Variants in RNF144A observed in about 807,000 individuals in gnomAD.
RNF144A encodes E3 ubiquitin-protein ligase RNF144A.
RNF144A carries 11 observed loss-of-function variants against 38.7 expected under a neutral mutation model. The ratio of observed to expected loss-of-function variants is 0.28; its 90% CI spans 0.18 to 0.47. The LOEUF (loss-of-function observed/expected upper bound fraction) is 0.47. Ranked by LOEUF, RNF144A falls within the 20% of genes least tolerant of loss-of-function variation. RNF144A has a pLI of 0.99. For synonymous variants in RNF144A, 149 were observed against 143.9 expected (o/e 1.04, Z -0.25); for missense variants, 316 against 377.2 (o/e 0.84, Z 1.34).
chr2:6,957,975 G>C (rs1667115016), intron 2 of RNF144A, among the ~76,000 whole-genome samples: 1 of 152,206 alleles, frequency 6.6e-6, no homozygotes, highest in Non-Finnish European at 1.5e-5. Context: ...AGCTGAGACT[G>C]CCTAATCTTG....
chr2:7,039,665 T>C lies in RNF144A; in HGVS notation c.784T>C (p.Leu262=), dbSNP rs1482160359. Residue 262 remains leucine, a synonymous_variant, in exon 9 of 9, where the codon TTG becomes CTG. Coordinates refer to ENST00000320892, the MANE Select transcript of RNF144A (RefSeq NM_014746.6). ...GIFAGFGLLL[L]VASPFLLLAT... ...TTTTGCAGGATTTGGGCTGCTGCTC[T>C]TGGTGGCCTCACCTTTCCTACTCCT... 3.1e-6 allele frequency: 5 copies of C among 1,614,040 alleles called. No homozygotes were observed. Among genetic ancestry groups the C allele is most frequent in the Non-Finnish European group, 4.2e-6 (5 of 1,180,034 alleles).
intron 2 of RNF144A, among the ~76,000 whole-genome samples, chr2:6,991,249 T>C (rs1447690968): frequency 6.6e-6 from 1 of 152,180 alleles, no homozygotes; most frequent in East Asian, 1.9e-4. Context: ...CATCATCTGC[T>C]TGGGAGGAGA....
intron 5 of RNF144A, among the ~76,000 whole-genome samples, chr2:7,016,582 C>T (rs575380866): frequency 6.0e-5 from 9 of 150,076 alleles, no homozygotes; most frequent in Admixed American, 6.0e-4. Context: ...AAGCCTCTCC[C>T]TTTAAAGCAT....
At chr2:6,963,240 A>G (rs1667452794) in intron 2 of RNF144A, among the ~76,000 whole-genome samples, 1 of 152,194 alleles carries the variant, frequency 6.6e-6, no homozygotes, top group Non-Finnish European at 1.5e-5. Flanking sequence ...CGGGCCAAGC[A>G]AGGAGTCTCT....
At chr2:6,961,542 T>C (rs543029808) in intron 2 of RNF144A, among the ~76,000 whole-genome samples, 1 of 152,212 alleles carries the variant, frequency 6.6e-6, no homozygotes, top group Non-Finnish European at 1.5e-5. Flanking sequence ...TTTGGAGAGA[T>C]GAGACATGCA....
At chr2:6,921,234 T>C (rs1664520361) in intron 1 of RNF144A, among the ~76,000 whole-genome samples, 1 of 152,208 alleles carries the variant, frequency 6.6e-6, no homozygotes, top group Non-Finnish European at 1.5e-5. Flanking sequence ...TAAAGGTGCT[T>C]ACTTCCTGGA....
At chr2:6,929,128 A>G (rs536409986) in intron 1 of RNF144A, among the ~76,000 whole-genome samples, 1 of 152,232 alleles carries the variant, frequency 6.6e-6, no homozygotes, top group South Asian at 2.1e-4. Context: ...CACATATGAC[A>G]TGTTATGTCA....
intron 6 of RNF144A, among the ~76,000 whole-genome samples, chr2:7,022,231 G>A (rs1156787007): frequency 6.6e-6 from 1 of 151,892 alleles, no homozygotes; most frequent in Admixed American, 6.5e-5. Flanking sequence ...GTATTGGAGG[G>A]TTTGTTGTTG....
In RNF144A at chr2:6,965,461, A is replaced by G. The variant is rs184758080; in HGVS notation, c.-12+24314A>G. Among the ~76,000 whole-genome samples, 252 of 152,300 alleles carry G rather than the reference A, an allele frequency of 1.7e-3. 1 individual carries two copies. Among genetic ancestry groups the G allele is most frequent in the African/African-American group, 5.3e-3 (221 of 41,548 alleles). On this transcript the variant is annotated intron_variant, in intron 2 of 8. Coordinates refer to ENST00000320892, the MANE Select transcript of RNF144A (RefSeq NM_014746.6). ...CAATTACTCAATTACAGAAACGTCT[A>G]TATATTCAGGGCCTTTATGGAGTTT...
chr2:7,032,324 C>T (rs1453780365), intron 8 of RNF144A, among the ~76,000 whole-genome samples: 3 of 151,570 alleles, frequency 2.0e-5, no homozygotes, highest in African/African-American at 7.3e-5. Context: ...TGCTGGAATC[C>T]GCGCCCCTTG....
intron 3 of RNF144A, among the ~76,000 whole-genome samples, chr2:6,999,317 C>G (rs1051839625): frequency 6.6e-6 from 1 of 152,266 alleles, no homozygotes; most frequent in Non-Finnish European, 1.5e-5. Flanking sequence ...GAGGAGGTGT[C>G]GGGGTGCCCT....
chr2:7,003,504 C>T (rs2103402082), intron 3 of RNF144A, among the ~76,000 whole-genome samples: 1 of 152,240 alleles, frequency 6.6e-6, no homozygotes, highest in Non-Finnish European at 1.5e-5. Context: ...TTGTAATTGC[C>T]TACGGTATTC....
intron 2 of RNF144A, among the ~76,000 whole-genome samples, chr2:6,949,396 C>T (rs979415365): frequency 2.0e-5 from 3 of 151,144 alleles, no homozygotes; most frequent in Non-Finnish European, 4.4e-5. Context: ...CTCCCCTCCC[C>T]TTCCTTTCCT....
intron 1 of RNF144A, among the ~76,000 whole-genome samples, chr2:6,932,644 G>A (rs559638058): frequency 1.3e-5 from 2 of 152,134 alleles, no homozygotes; most frequent in South Asian, 2.1e-4. Flanking sequence ...TTTGGTATCC[G>A]GTCAGATAAA....
intron 5 of RNF144A, among the ~76,000 whole-genome samples, chr2:7,015,464 T>A (rs919893719): frequency 1.3e-5 from 2 of 152,208 alleles, no homozygotes; most frequent in African/African-American, 4.8e-5. Flanking sequence ...TCCTTCTGGC[T>A]GGAGCAGGCC....
chr2:7,037,611 A>G (rs139252960), intron 8 of RNF144A, among the ~76,000 whole-genome samples: 201 of 152,386 alleles, frequency 1.3e-3, no homozygotes, highest in African/African-American at 4.7e-3. Context: ...GCATTAGCAC[A>G]ATCCAATGTA....
intron 5 of RNF144A, among the ~76,000 whole-genome samples, chr2:7,019,587 T>G (rs931766663): frequency 6.6e-6 from 1 of 152,222 alleles, no homozygotes; most frequent in African/African-American, 2.4e-5. Context: ...CACATTGCAC[T>G]GGCCTGGGAG....
intron 2 of RNF144A, among the ~76,000 whole-genome samples, chr2:6,964,984 A>C (rs1252097881): frequency 1.3e-5 from 2 of 151,052 alleles, no homozygotes; most frequent in East Asian, 3.9e-4. Flanking sequence ...TAAAAATAAA[A>C]AAAAGAGGGA....
At chr2:6,984,326 G>A (rs1572335842) in intron 2 of RNF144A, among the ~76,000 whole-genome samples, 1 of 151,530 alleles carries the variant, frequency 6.6e-6, no homozygotes, top group East Asian at 1.9e-4. Context: ...TTTCCAAGAA[G>A]GAGTCTTGCT....
Sources: gnomAD v4.1 joint callset for allele counts (sites outside exome capture counted in the v4.1 genomes callset) on GRCh38, gnomAD v4.1.1 for gene constraint, MANE v1.5 for transcripts, NCBI Gene and HGNC (gene_info 2026-07-23, HGNC 2026-07-21) for gene names.